The following FTO variants were observed in gnomAD, a reference collection of about 807,000 sequenced individuals.
The protein encoded by FTO is alpha-ketoglutarate-dependent dioxygenase FTO.
In FTO, 47 loss-of-function variants were observed where a neutral mutation model predicts 63.9. That is an observed-to-expected ratio of 0.74 (90% CI 0.58 to 0.94). The LOEUF (loss-of-function observed/expected upper bound fraction) is 0.94. Ranked by LOEUF, FTO falls within the 40% of genes least tolerant of loss-of-function variation. FTO has a pLI of 0.00. For missense variants in FTO, 562 were observed against 618.1 expected (o/e 0.91, Z 0.96); for synonymous variants, 207 against 224.4 (o/e 0.92, Z 0.69).
At chr16:53,716,218 C>T (rs1385279212) in intron 1 of FTO, among the ~76,000 whole-genome samples, 1 of 152,056 alleles carries the variant, frequency 6.6e-6, no homozygotes, top group Non-Finnish European at 1.5e-5. Flanking sequence ...ACATGTTTAC[C>T]ACCCTAGGGG....
At chr16:53,704,068 CAGAG>C, upstream of FTO, 3 of 1,108,762 alleles carry the variant, frequency 2.7e-6, no homozygotes, top group South Asian at 1.3e-5. Flanking sequence ...TTTTTCTACT[CAGAG>C]GGAGAATAGC....
intron 8 of FTO, among the ~76,000 whole-genome samples, chr16:54,110,882 G>C (rs2086868974): frequency 6.6e-6 from 1 of 152,180 alleles, no homozygotes. Context: ...AATGCAATCT[G>C]TTTCCTTCTC....
intron 7 of FTO, among the ~76,000 whole-genome samples, chr16:53,930,585 G>T (rs988939860): frequency 6.6e-6 from 1 of 152,068 alleles, no homozygotes; most frequent in South Asian, 2.1e-4. Flanking sequence ...TTTAAAAAAT[G>T]AGCCAATTAT....
At chr16:53,968,664 T>C (rs1221082272) in intron 8 of FTO, among the ~76,000 whole-genome samples, 3 of 152,152 alleles carry the variant, frequency 2.0e-5, no homozygotes, top group African/African-American at 7.2e-5. Flanking sequence ...ACACATGCTG[T>C]AGGAATCTTG....
chr16:53,868,759 A>G (rs951213547), intron 4 of FTO, among the ~76,000 whole-genome samples: 4 of 152,078 alleles, frequency 2.6e-5, no homozygotes, highest in African/African-American at 9.7e-5. Flanking sequence ...ATTTCTTGCA[A>G]TACAAGTCTA....
chr16:53,996,882 G>GTCTCC lies in FTO; in HGVS notation c.1364+62773_1364+62774insTCTCC, dbSNP rs2083943196. Among the ~76,000 whole-genome samples, 16 of 152,238 alleles carry GTCTCC rather than the reference G, an allele frequency of 1.1e-4. No homozygotes were observed. The South Asian group carries it at 3.3e-3, about 32-fold the overall frequency. On this transcript the variant is annotated intron_variant, in intron 8 of 8. Coordinates refer to ENST00000471389, the MANE Select transcript of FTO (RefSeq NM_001080432.3). ...CCAGCACTTTGGGAGGCCGAGGCAG[G>GTCTCC]CAGATCACCTGAGGTCAGGAGTTCA...
At chr16:53,722,827 C>CA (rs34522072) in intron 1 of FTO, among the ~76,000 whole-genome samples, 49 of 141,608 alleles carry the variant, frequency 3.5e-4, no homozygotes, top group East Asian at 8.5e-4. Context: ...GACGCCACCT[C>CA]AAAAAAAAAA....
intron 7 of FTO, chr16:53,911,579 G>A (rs2081707034): frequency 4.4e-6 from 3 of 675,092 alleles, no homozygotes; most frequent in Non-Finnish European, 8.1e-6. Flanking sequence ...AAACCATTCT[G>A]TGTGGCACTG....
At chr16:54,067,249 T>G (rs2085755647) in intron 8 of FTO, among the ~76,000 whole-genome samples, 1 of 152,128 alleles carries the variant, frequency 6.6e-6, no homozygotes, top group South Asian at 2.1e-4. Context: ...TATCTACTAA[T>G]ACTTTTGATT....
chr16:53,976,657 T>C (rs1375320750), intron 8 of FTO, among the ~76,000 whole-genome samples: 1 of 152,206 alleles, frequency 6.6e-6, no homozygotes. Flanking sequence ...AATTTATAGG[T>C]ATATATGTTG....
At chr16:53,743,188 A>C (rs559888656) in intron 1 of FTO, among the ~76,000 whole-genome samples, 31 of 152,234 alleles carry the variant, frequency 2.0e-4, no homozygotes, top group African/African-American at 6.7e-4. Flanking sequence ...TTATATTTCT[A>C]CATTTTCTTG....
At chr16:54,016,292 G>GAAAAA (rs35786461) in intron 8 of FTO, among the ~76,000 whole-genome samples, 2 of 63,228 alleles carry the variant, frequency 3.2e-5, no homozygotes, top group Non-Finnish European at 5.3e-5. Flanking sequence ...GACTTGTCAT[G>GAAAAA]AAAAAAAAAA....
At chr16:53,962,047 T>G (rs2083093750) in intron 8 of FTO, among the ~76,000 whole-genome samples, 1 of 152,186 alleles carries the variant, frequency 6.6e-6, no homozygotes, top group Non-Finnish European at 1.5e-5. Context: ...ATCTCCTAAT[T>G]TCTGTTAACT....
At chr16:53,927,961 A>C (rs2082187319) in intron 7 of FTO, among the ~76,000 whole-genome samples, 1 of 152,222 alleles carries the variant, frequency 6.6e-6, no homozygotes, top group African/African-American at 2.4e-5. Context: ...AAACTAGCAT[A>C]ACCTAGCACA....
intron 8 of FTO, among the ~76,000 whole-genome samples, chr16:54,094,201 G>C (rs1487876534): frequency 6.6e-6 from 1 of 152,174 alleles, no homozygotes; most frequent in Non-Finnish European, 1.5e-5. Context: ...AAGATGCCCA[G>C]GTGGGAAACT....
chr16:54,018,051 A>G (rs1346555787), intron 8 of FTO, among the ~76,000 whole-genome samples: 5 of 151,654 alleles, frequency 3.3e-5, no homozygotes, highest in South Asian at 4.2e-4. Context: ...GACTTTTATC[A>G]TCATCATCAT....
At chr16:53,732,206 G>T (rs1318486006) in intron 1 of FTO, among the ~76,000 whole-genome samples, 2 of 151,534 alleles carry the variant, frequency 1.3e-5, no homozygotes, top group African/African-American at 2.4e-5. Flanking sequence ...CCGCCACCAC[G>T]CCCGGCTAAT....
intron 1 of FTO, among the ~76,000 whole-genome samples, chr16:53,762,608 C>T (rs2077097097): frequency 6.6e-6 from 1 of 151,918 alleles, no homozygotes; most frequent in African/African-American, 2.4e-5. Flanking sequence ...GGGTTTTTAT[C>T]CTTTTGGGTT....
intron 1 of FTO, among the ~76,000 whole-genome samples, chr16:53,769,482 A>G (rs977881353): frequency 6.6e-6 from 1 of 152,220 alleles, no homozygotes; most frequent in African/African-American, 2.4e-5. Context: ...AAGTTAATTC[A>G]TGTAAAATAT....
Sources: allele counts gnomAD v4.1 joint callset (sites outside exome capture counted in the v4.1 genomes callset), GRCh38; gene constraint gnomAD v4.1.1; transcripts MANE v1.5; gene names NCBI Gene and HGNC (gene_info 2026-07-23, HGNC 2026-07-21).